Variants in BRME1 observed in about 807,000 individuals in gnomAD.
The protein encoded by BRME1 is break repair meiotic recombinase recruitment factor 1.
In BRME1, 31 loss-of-function variants were observed where a neutral mutation model predicts 52.6. That is an observed-to-expected ratio of 0.59 (90% confidence interval 0.44 to 0.80). The LOEUF (loss-of-function observed/expected upper bound fraction) is 0.80, where lower values mean the gene tolerates loss of function less well. Ranked by LOEUF, BRME1 falls within the 30% of genes least tolerant of loss-of-function variation. The pLI is 0.00. For missense variants in BRME1, 804 were observed against 860.3 expected, an observed-to-expected ratio of 0.93 and a Z score of 0.82; for synonymous variants, 359 against 353.6, an observed-to-expected ratio of 1.02 and a Z score of -0.17.
Position 13,889,860 on chromosome 19 carries a change from G to T in BRME1, c.996C>A (p.Ser332=). 1 of 1,613,290 alleles carries T rather than the reference G, an allele frequency of 6.2e-7. No individual in the cohort carries two copies. The highest frequency in any genetic ancestry group is 8.5e-7 in the Non-Finnish European group (1 of 1,179,990). The change falls in exon 6 of 9, where the codon TCC becomes TCA. Residue 332 remains serine, a synonymous_variant. Transcript: ENST00000586783. ...GEGTHSSLGC[S]SLGMVVIADL... is the part of the protein sequence containing the mutation. ...CTGCGATGACAACCATCCCGAGGGAGGAGCATCCCAGGCTGCTATGAGTCC... is the reference window on the plus strand; with the variant it reads ...CTGCGATGACAACCATCCCGAGGGATGAGCATCCCAGGCTGCTATGAGTCC...
In BRME1 at chr19:13,889,232, G is replaced by T. The variant is rs774183720; in HGVS notation, c.1624C>A (p.Gln542Lys). The T allele has an allele frequency of 6.2e-7, 1 of 1,612,348 alleles. No homozygotes were observed. Among genetic ancestry groups the T allele is most frequent in the South Asian group, 1.1e-5 (1 of 90,900 alleles). The change falls in exon 6 of 9, where the codon CAG becomes AAG. Residue 542 changes from glutamine (Q) to lysine (K), a missense_variant. Physicochemically the swap from Gln to Lys is moderately conservative, Grantham distance 53. Around this residue, in one of 3 missense-constraint regions of BRME1, gnomAD observed 552 missense variants for 561.1 expected, o/e 0.98. Transcript: ENST00000586783. ...AAGTCAGAGGCGTCCAGGGCATCCT[G>T]TATCTGGCTGTCCAGCAGGAAGTCG... ...ELDFLLDSQI[Q>K]DALDASDFEA...
Position 13,888,602 on chromosome 19 carries a change from C to T in BRME1, c.1668+586G>A, listed in dbSNP as rs1397513877. Among the ~76,000 whole-genome samples the T allele has an allele frequency of 5.9e-5, 9 of 152,240 alleles. No homozygotes were observed. Among genetic ancestry groups the T allele is most frequent in the South Asian group, 2.1e-4 (1 of 4,836 alleles). ...CTCTGGAGCCAGAGGAGGCCACATC[C>T]GGGCAGCCGGTGGGGCGGGCAGATC... On this transcript the variant is annotated intron_variant, in intron 6 of 8. Coordinates refer to ENST00000586783, the MANE Select transcript of BRME1 (RefSeq NM_001345843.2). The surrounding 1 kb of genome is among the most constrained non-coding windows in gnomAD (Gnocchi z 4.1).
At chr19:13,902,798 G>T (rs1335303208) in intron 2 of BRME1, among the ~76,000 whole-genome samples, 3 of 151,754 alleles carry the variant, frequency 2.0e-5, no homozygotes, top group Non-Finnish European at 4.4e-5. Context: ...GGTGGTGGGT[G>T]CCTGTAATCC....
In BRME1 at chr19:13,883,436, C is replaced by A. The variant is rs1389762308; in HGVS notation, c.1764-36G>T. 14 of 1,448,886 alleles carry A rather than the reference C, an allele frequency of 9.7e-6. No individual in the cohort carries two copies. The highest frequency in any genetic ancestry group is 1.2e-5 in the Non-Finnish European group (13 of 1,068,670). The allele number at this position is 1,448,886 out of a possible 1,614,324, so 89.8% of individuals were successfully genotyped here. On this transcript the variant is annotated intron_variant, in intron 7 of 8. Coordinates refer to ENST00000586783, the MANE Select transcript of BRME1 (RefSeq NM_001345843.2). This position sits in a 1 kb window ranked among gnomAD's most constrained non-coding sequence, Gnocchi z 4.2. The stretch of plus-strand genomic sequence containing the variant: ...GGGAAGGAAATTGAGAGTGGCCCGA[C>A]CTCACTGGACTACCAGAGCTCTCCA...
chr19:13,883,014 G>A lies in BRME1; in HGVS notation c.1857-62C>T, dbSNP rs1017531389. On this transcript the variant is annotated intron_variant, in intron 8 of 8. Coordinates refer to ENST00000586783, the MANE Select transcript of BRME1 (RefSeq NM_001345843.2). This position sits in a 1 kb window ranked among gnomAD's most constrained non-coding sequence, Gnocchi z 4.2. ...TGGTCACCAGGTGACAGAGGGGGCCGCGCCTCACAGCCACATGGTCACCAA... is the reference window on the plus strand; with the variant it reads ...TGGTCACCAGGTGACAGAGGGGGCCACGCCTCACAGCCACATGGTCACCAA... 52 of 1,563,122 alleles carry A rather than the reference G, an allele frequency of 3.3e-5. No homozygotes were observed. Among genetic ancestry groups the A allele is most frequent in the African/African-American group, 3.1e-4 (23 of 73,066 alleles).
chr19:13,882,869 G>T lies in BRME1; in HGVS notation c.1940C>A (p.Pro647His). The change falls in exon 9 of 9, where the codon CCC becomes CAC. Residue 647 changes from proline (P) to histidine (H), a missense_variant. By Grantham distance (77) the Pro-to-His change is moderately conservative. This residue lies in a region of BRME1 where 552 missense variants were observed against 561.1 expected (regional missense o/e 0.98). Coordinates refer to ENST00000586783, the MANE Select transcript of BRME1 (RefSeq NM_001345843.2). ...YRKTKLGGKA[P>H]LPYPSKGPGN... The stretch of plus-strand genomic sequence containing the variant: ...AGGCCCCTTGGAAGGGTAAGGCAGG[G>T]GGGCTTTGCCTCCCAGCTTTGTCTT... The T allele has an allele frequency of 6.2e-7, 1 of 1,614,034 alleles. No individual in the cohort carries two copies. The highest frequency in any genetic ancestry group is 8.5e-7 in the Non-Finnish European group (1 of 1,179,968).
intron 8 of BRME1, 27 bp from the exon 9 acceptor site, chr19:13,882,979 T>TG: frequency 6.2e-7 from 1 of 1,601,476 alleles, no homozygotes; most frequent in South Asian, 1.1e-5. Context: ...GGCATGCGTG[T>TG]GGGGCTCAGT....
In BRME1 at chr19:13,885,985, A is replaced by T; in HGVS notation, c.1739T>A (p.Val580Asp). Residue 580 changes from valine to aspartate, a missense_variant, in exon 7 of 9, where the codon GTT becomes GAT. Physicochemically the swap from Val to Asp is radical, Grantham distance 152. Coordinates refer to ENST00000586783, the MANE Select transcript of BRME1 (RefSeq NM_001345843.2). ...GPSSHANGDP[V>D]AVAKAQPRTF... Reference sequence around the variant, plus strand: ...CCTCGGCTGGGCCTTGGCCACTGCAACAGGGTCTCCATTGGCATGTGAGCT... The same window carrying T: ...CCTCGGCTGGGCCTTGGCCACTGCATCAGGGTCTCCATTGGCATGTGAGCT... The T allele has an allele frequency of 2.5e-6, 4 of 1,613,990 alleles. No homozygotes were observed. Among genetic ancestry groups the T allele is most frequent in the Non-Finnish European group, 2.5e-6 (3 of 1,179,998 alleles).
intron 2 of BRME1, among the ~76,000 whole-genome samples, chr19:13,900,880 C>T (rs1970248480): frequency 6.6e-6 from 1 of 152,066 alleles, no homozygotes; most frequent in African/African-American, 2.4e-5. Context: ...CCATGTTGAC[C>T]AGGTTGGTCT....
At chr19:13,903,359 T>A (rs1393043385) in intron 2 of BRME1, among the ~76,000 whole-genome samples, 2 of 151,762 alleles carry the variant, frequency 1.3e-5, no homozygotes, top group African/African-American at 4.8e-5. Flanking sequence ...CAGTATAATT[T>A]CCCCAGTTAT....
At chr19:13,884,848 G>A (rs1968887979) in intron 7 of BRME1, 1 of 152,350 alleles carries the variant, frequency 6.6e-6, no homozygotes, top group Non-Finnish European at 1.5e-5. Flanking sequence ...TCACCCTGAG[G>A]TGTCTGGCAG....
In BRME1 at chr19:13,890,307, C is replaced by T. The variant is rs752065500; in HGVS notation, c.549G>A (p.Val183=). 1 of 1,607,614 alleles carries T rather than the reference C, an allele frequency of 6.2e-7. No homozygotes were observed. The highest frequency in any genetic ancestry group is 1.3e-5 in the African/African-American group (1 of 74,858). ...EQSSQSPVQA[V]PGSGDSQPDD... is the part of the protein sequence containing the mutation. ...CAGGCTGAGAATCCCCACTGCCGGGCACCGCCTGCACAGGGCTCTGGCTGC... is the reference window on the plus strand; with the variant it reads ...CAGGCTGAGAATCCCCACTGCCGGGTACCGCCTGCACAGGGCTCTGGCTGC... Residue 183 remains valine (V), a synonymous_variant, in exon 6 of 9, where the codon GTG becomes GTA. Coordinates refer to ENST00000586783, the MANE Select transcript of BRME1 (RefSeq NM_001345843.2).
Position 13,889,900 on chromosome 19 carries a change from C to G in BRME1, c.956G>C (p.Gly319Ala). ...GCTATGAGTCCCTTCCCCTTCCCTA[C>G]CCATCCTGCTGGGGGTCTGCTGGGG... ...PDPQQTPSRMGREGEGTHSSL... is the reference protein window; with the variant it reads ...PDPQQTPSRMAREGEGTHSSL... Residue 319 changes from glycine to alanine, a missense_variant, in exon 6 of 9, where the codon GGT (glycine) becomes GCT (alanine). Coordinates refer to ENST00000586783, the MANE Select transcript of BRME1 (RefSeq NM_001345843.2). 6.2e-7 allele frequency: 1 copy of G among 1,613,026 alleles called. No homozygotes were observed. The highest frequency in any genetic ancestry group is 1.1e-5 in the South Asian group (1 of 91,070).
chr19:13,904,331 T>C (rs1228060819), intron 2 of BRME1, among the ~76,000 whole-genome samples: 1 of 152,132 alleles, frequency 6.6e-6, no homozygotes, highest in Non-Finnish European at 1.5e-5. Context: ...GGTCTTGAAC[T>C]CCTGGACTCA....
intron 6 of BRME1, among the ~76,000 whole-genome samples, chr19:13,886,561 G>A (rs2145122612): frequency 6.6e-6 from 1 of 152,304 alleles, no homozygotes. Flanking sequence ...TGAATACAGG[G>A]GAAAGCCTGG....
rs1489472137 is a variant in BRME1, at chr19:13,893,155, AG to A, written c.274del (p.Leu92PhefsTer22). The A allele has an allele frequency of 3.8e-6, 6 of 1,597,246 alleles. No individual in the cohort carries two copies. Among genetic ancestry groups the A allele is most frequent in the Non-Finnish European group, 5.1e-6 (6 of 1,173,060 alleles). On this transcript the variant is annotated frameshift_variant, in exon 4 of 9. Transcript: ENST00000586783. LOFTEE classifies it high-confidence loss of function. ...GGACGAGCTCACCTGGGAAGGAGGA[AG>A]GGGAGCTGGCTCCTTTTCTGGTTGA... ...LRQPEKEPAP[L>X]PPSQNSFGRF...
At chr19:13,885,575 G>C (rs56269629) in intron 7 of BRME1, 1,860 of 173,994 alleles carry the variant, frequency 0.011, 9 homozygotes, top group Non-Finnish European at 0.017. Context: ...GCCAGAGCTA[G>C]GAACAGCTCC....
rs763999970 is a variant in BRME1, at chr19:13,892,781, C to T, written c.393+5G>A. The T allele has an allele frequency of 1.6e-5, 25 of 1,611,568 alleles. No homozygotes were observed. The highest frequency in any genetic ancestry group is 2.0e-5 in the Non-Finnish European group (24 of 1,177,736). ...GGCTCAGCCTGGCTGATTTTAGAGC[C>T]TTACCAGGCTAAAGGCCCCACTCCC... is the stretch of plus-strand genomic sequence containing the variant. On this transcript the variant is annotated splice_donor_5th_base_variant and intron_variant, in intron 5 of 8. Transcript: ENST00000586783.
Position 13,883,483 on chromosome 19 carries a change from C to T in BRME1, c.1764-83G>A. The T allele has an allele frequency of 9.7e-7, 1 of 1,032,230 alleles. No homozygotes were observed. The highest frequency in any genetic ancestry group is 1.4e-6 in the Non-Finnish European group (1 of 695,818). 63.9% of individuals were successfully genotyped at this position (1,032,230 alleles called of 1,614,324 possible). A position where few individuals can be genotyped will look rare whatever the true frequency, so the allele number is the denominator to read the frequency against. On this transcript the variant is annotated intron_variant, in intron 7 of 8. Transcript: ENST00000586783. The surrounding 1 kb of genome is among the most constrained non-coding windows in gnomAD (Gnocchi z 4.2). ...TCCAGTGGGAGGGGCTTCCGCAGGGCCTCGCGCCATCTTTTCCAGGTGTCC... is the reference window on the plus strand; with the variant it reads ...TCCAGTGGGAGGGGCTTCCGCAGGGTCTCGCGCCATCTTTTCCAGGTGTCC...
Sources: allele counts gnomAD v4.1 joint callset (sites outside exome capture counted in the v4.1 genomes callset), GRCh38; gene constraint gnomAD v4.1.1; regional missense constraint gnomAD v4.1.1; non-coding constraint Gnocchi (gnomAD v3.1); transcripts MANE v1.5; gene names NCBI Gene and HGNC (gene_info 2026-07-23, HGNC 2026-07-21).